Variants in DGKB observed in about 807,000 individuals in gnomAD.
DGKB encodes the protein 90 kDa diacylglycerol kinase.
Under a neutral mutation model 114.3 loss-of-function variants are expected in DGKB, and 67 were observed. The observed-to-expected ratio is 0.59, with a 90% CI of 0.48 to 0.72. DGKB has a LOEUF of 0.72. Ranked by LOEUF, DGKB falls within the 30% of genes least tolerant of loss-of-function variation. The pLI, the probability that DGKB is intolerant of heterozygous loss-of-function variation, is 0.00. For missense variants in DGKB, 907 were observed against 975.2 expected (o/e 0.93, Z 0.93); for synonymous variants, 398 against 323.1 (o/e 1.23, Z -2.49).
At chr7:14,549,479 A>T (rs1266777606) in intron 20 of DGKB, among the ~76,000 whole-genome samples, 1 of 152,116 alleles carries the variant, frequency 6.6e-6, no homozygotes, top group Non-Finnish European at 1.5e-5. Context: ...ATTTTAAAAT[A>T]TTCTATTTAA....
At chr7:14,348,530 C>T (rs1011564064) in intron 21 of DGKB, among the ~76,000 whole-genome samples, 7 of 151,520 alleles carry the variant, frequency 4.6e-5, no homozygotes, top group South Asian at 2.1e-4. Flanking sequence ...ACGACATTAG[C>T]GTTTAGAGAA....
At chr7:14,392,356 T>C (rs1821451642) in intron 21 of DGKB, among the ~76,000 whole-genome samples, 2 of 152,184 alleles carry the variant, frequency 1.3e-5, no homozygotes, top group African/African-American at 2.4e-5. Context: ...AAAAAGGTAG[T>C]GAGAATCTAG....
rs77843284 is a variant in DGKB, at chr7:14,236,626, T to C, written c.2123-58475A>G. On this transcript the variant is annotated intron_variant, in intron 23 of 25. Transcript: ENST00000402815. ...CTCAGCTGAAGGAAACAAAGAAAAG[T>C]TCATAAAATTTTCTAAAAATCAAAG... 8.6e-3 allele frequency among the ~76,000 whole-genome samples: 1,313 copies of C among 152,018 alleles called. 60 individuals carry two copies. The East Asian group carries it at 0.15, about 17-fold the overall frequency.
At chr7:14,809,685 C>G (rs1843185466) in intron 2 of DGKB, among the ~76,000 whole-genome samples, 1 of 152,044 alleles carries the variant, frequency 6.6e-6, no homozygotes, top group Non-Finnish European at 1.5e-5. Context: ...CTCTGCCTGA[C>G]AAACATCTCA....
intron 2 of DGKB, among the ~76,000 whole-genome samples, chr7:14,787,415 T>C (rs191689585): frequency 2.4e-3 from 371 of 152,312 alleles, no homozygotes; most frequent in Non-Finnish European, 4.0e-3. Context: ...TAAAACACTA[T>C]GTATCTTTTA....
intron 13 of DGKB, among the ~76,000 whole-genome samples, chr7:14,652,892 A>AGG: frequency 4.6e-5 from 7 of 152,160 alleles, no homozygotes; most frequent in African/African-American, 1.2e-4. Context: ...AGCCAAAAAA[A>AGG]CACATGAAAA....
Position 14,462,690 on chromosome 7 carries a change from C to T in DGKB, c.1835+15471G>A, listed in dbSNP as rs111830499. On this transcript the variant is annotated intron_variant, in intron 21 of 25. Coordinates refer to ENST00000402815, the MANE Select transcript of DGKB (RefSeq NM_001350709.2). ...CCCAAAGTAATTTAGAGATTCAATG[C>T]TATCCCCATCAAGCAACCATTGACT... 9.3e-3 allele frequency among the ~76,000 whole-genome samples: 1,410 copies of T among 152,230 alleles called. 24 individuals carry two copies. Among genetic ancestry groups the T allele is most frequent in the African/African-American group, 0.033 (1,350 of 41,538 alleles).
chr7:14,505,928 T>A (rs982066998), intron 20 of DGKB, among the ~76,000 whole-genome samples: 5 of 152,152 alleles, frequency 3.3e-5, no homozygotes, highest in African/African-American at 1.2e-4. Flanking sequence ...TAATAAAAAA[T>A]GTTCTCATTT....
At chr7:14,584,991 T>C (rs1208394244) in intron 17 of DGKB, among the ~76,000 whole-genome samples, 1 of 152,096 alleles carries the variant, frequency 6.6e-6, no homozygotes. Flanking sequence ...TAAAACTCTT[T>C]GCATATTACA....
At chr7:14,827,128 C>A (rs901882437) in intron 2 of DGKB, among the ~76,000 whole-genome samples, 3 of 152,068 alleles carry the variant, frequency 2.0e-5, no homozygotes, top group Non-Finnish European at 2.9e-5. Flanking sequence ...ACCACCCAAC[C>A]AATAAACAAG....
At chr7:14,158,292 A>G (rs1783339739) in intron 25 of DGKB, among the ~76,000 whole-genome samples, 1 of 152,200 alleles carries the variant, frequency 6.6e-6, no homozygotes, top group Admixed American at 6.5e-5. Context: ...GCATTGGGAA[A>G]TGGCATATTA....
intron 20 of DGKB, among the ~76,000 whole-genome samples, chr7:14,486,885 T>C (rs971657337): frequency 6.6e-6 from 1 of 152,218 alleles, no homozygotes; most frequent in Non-Finnish European, 1.5e-5. Flanking sequence ...TTTTCCACTA[T>C]ACATTATGCA....
chr7:14,160,888 C>A (rs146942708), intron 25 of DGKB, among the ~76,000 whole-genome samples: 13,901 of 152,156 alleles, frequency 0.091, 820 homozygotes, highest in Middle Eastern at 0.2. Flanking sequence ...GCTACAGTAA[C>A]CAAAACAAAC....
intron 23 of DGKB, among the ~76,000 whole-genome samples, chr7:14,320,505 T>C (rs1269322045): frequency 1.3e-5 from 2 of 152,044 alleles, no homozygotes; most frequent in African/African-American, 4.8e-5. Flanking sequence ...CCACAAAGCA[T>C]CTTTTCCACA....
At chr7:14,939,695 G>A (rs1478357094) in intron 1 of DGKB, among the ~76,000 whole-genome samples, 20 of 124,812 alleles carry the variant, frequency 1.6e-4, no homozygotes, top group African/African-American at 6.3e-4. Context: ...GGCACTGCAA[G>A]TTGCGCCTCC....
intron 20 of DGKB, among the ~76,000 whole-genome samples, chr7:14,519,534 T>C (rs149271420): frequency 1.6e-4 from 24 of 152,248 alleles, no homozygotes; most frequent in African/African-American, 5.5e-4. Flanking sequence ...TAAAGAATAA[T>C]GTCGATATGA....
intron 23 of DGKB, among the ~76,000 whole-genome samples, chr7:14,181,845 T>G (rs1782678502): frequency 6.6e-6 from 1 of 152,194 alleles, no homozygotes; most frequent in Non-Finnish European, 1.5e-5. Flanking sequence ...TTTAAATACC[T>G]CCATGGGAGT....
intron 2 of DGKB, among the ~76,000 whole-genome samples, chr7:14,803,326 A>G (rs1223442373): frequency 6.6e-6 from 1 of 152,290 alleles, no homozygotes; most frequent in African/African-American, 2.4e-5. Context: ...AGATACAAGG[A>G]TAAAACCCTC....
intron 23 of DGKB, among the ~76,000 whole-genome samples, chr7:14,282,582 T>C (rs1800149491): frequency 6.6e-6 from 1 of 150,944 alleles, no homozygotes; most frequent in African/African-American, 2.4e-5. Context: ...TAGACCAATA[T>C]CCTTGATGAA....
Sources: allele counts gnomAD v4.1 joint callset (sites outside exome capture counted in the v4.1 genomes callset), GRCh38; gene constraint gnomAD v4.1.1; transcripts MANE v1.5; gene names NCBI Gene and HGNC (gene_info 2026-07-23, HGNC 2026-07-21).